Variants in QPCTL observed in about 807,000 individuals in gnomAD.
QPCTL encodes glutaminyl-peptide cyclotransferase like.
A neutral mutation model predicts 34.6 loss-of-function variants in QPCTL; 31 were observed. The observed-to-expected ratio is 0.90, with a 90% confidence interval of 0.67 to 1.21. The LOEUF (loss-of-function observed/expected upper bound fraction) is 1.21, where lower values mean the gene tolerates loss of function less well. QPCTL is among the 50% of genes most tolerant of loss of function. The probability of loss-of-function intolerance (pLI) is 0.00; values close to 1 mark genes in which losing one functional copy is unlikely to be tolerated. For missense variants in QPCTL, 474 were observed against 507.8 expected (o/e 0.93, Z 0.64); for synonymous variants, 223 against 226.9 (o/e 0.98, Z 0.15).
At chr19:45,698,434 T>A in intron 3 of QPCTL, 113 bp from the exon 4 acceptor site, 1 of 1,287,034 alleles carries the variant, frequency 7.8e-7, no homozygotes, top group South Asian at 1.4e-5. Context: ...GTTCTATGAG[T>A]GAGGACACCT....
At chr19:45,694,691 A>C (rs893752066) in intron 2 of QPCTL, among the ~76,000 whole-genome samples, 3 of 151,670 alleles carry the variant, frequency 2.0e-5, no homozygotes, top group Non-Finnish European at 2.9e-5. Context: ...GGCTGGTCTC[A>C]AACTCCTGAC....
At chr19:45,700,873 T>G (rs1360983487) in intron 5 of QPCTL, among the ~76,000 whole-genome samples, 2 of 150,030 alleles carry the variant, frequency 1.3e-5, no homozygotes, top group East Asian at 3.9e-4. Context: ...GCAGGAGAAT[T>G]GCTTGAACCC....
In QPCTL at chr19:45,698,681, C is replaced by T; in HGVS notation, c.768C>T (p.Pro256=). ...LMESIPHSPG[P]TRIQAIELFM... ...AGTCTATACCTCACAGCCCCGGCCC[C>T]ACCAGGATCCAGGCTATTGTAAGAC... Residue 256 remains proline, a synonymous_variant, in exon 4 of 7, where the codon CCC becomes CCT. Transcript: ENST00000012049. 6.2e-7 allele frequency: 1 copy of T among 1,614,136 alleles called. No individual in the cohort carries two copies. Among genetic ancestry groups the T allele is most frequent in the Non-Finnish European group, 8.5e-7 (1 of 1,180,000 alleles).
intron 3 of QPCTL, among the ~76,000 whole-genome samples, chr19:45,698,063 T>C (rs1967733699): frequency 6.6e-6 from 1 of 151,876 alleles, no homozygotes; most frequent in African/African-American, 2.4e-5. Flanking sequence ...GCCAACATGG[T>C]GAAAGCTTGT....
chr19:45,702,235 G>T (rs1288495748), intron 6 of QPCTL, among the ~76,000 whole-genome samples: 2 of 151,600 alleles, frequency 1.3e-5, no homozygotes, highest in Non-Finnish European at 2.9e-5. Context: ...GTGGCGGGGG[G>T]GGATCCTTGA....
chr19:45,698,614 A>G lies in QPCTL; in HGVS notation c.701A>G (p.Lys234Arg). ...GEEALKEWGPKDSLYGSRHLA... is the reference protein window; with the variant it reads ...GEEALKEWGPRDSLYGSRHLA... ...GAGGCGCTGAAGGAGTGGGGACCCA[A>G]GGACTCCCTTTACGGTTCCCGGCAC... Residue 234 changes from lysine (K) to arginine (R), a missense_variant, in exon 4 of 7, where the codon AAG becomes AGG. Physicochemically the swap from Lys to Arg is conservative, Grantham distance 26. Coordinates refer to ENST00000012049, the MANE Select transcript of QPCTL (RefSeq NM_017659.4). The G allele has an allele frequency of 2.5e-6, 4 of 1,614,038 alleles. No homozygotes were observed. In the South Asian group the frequency reaches 3.3e-5, roughly 13 times the overall value.
Position 45,698,540 on chromosome 19 carries a change from C to T in QPCTL, c.634-7C>T. The T allele has an allele frequency of 1.2e-6, 2 of 1,613,718 alleles. No homozygotes were observed. The highest frequency in any genetic ancestry group is 1.7e-6 in the Non-Finnish European group (2 of 1,179,918). ...TGGCTCTGGCCACCCCCCTGCTGCT[C>T]CCACAGGCAGCCCCGGTGACCCTGC... On this transcript the variant is annotated splice_polypyrimidine_tract_variant and splice_region_variant and intron_variant, in intron 3 of 6. Coordinates refer to ENST00000012049, the MANE Select transcript of QPCTL (RefSeq NM_017659.4).
At chr19:45,697,448 A>AAAAAG (rs1448735298) in intron 3 of QPCTL, among the ~76,000 whole-genome samples, 2 of 152,070 alleles carry the variant, frequency 1.3e-5, no homozygotes, top group East Asian at 3.9e-4. Context: ...AAGAAAGAAA[A>AAAAAG]AAAAGAAAAG....
At chr19:45,695,765 C>T (rs5019216) in intron 3 of QPCTL, 47 bp downstream of exon 3, 4 of 1,509,060 alleles carry the variant, frequency 2.7e-6, no homozygotes, top group African/African-American at 2.8e-5. Flanking sequence ...TCCACCTTTT[C>T]CCAAGCCCCC....
intron 5 of QPCTL, among the ~76,000 whole-genome samples, chr19:45,699,825 G>A (rs7256920): frequency 0.45 from 67,459 of 151,304 alleles, 15,581 homozygotes; most frequent in Admixed American, 0.54. Flanking sequence ...CTAGCTATTC[G>A]GGAGGCTGAA....
intron 5 of QPCTL, among the ~76,000 whole-genome samples, chr19:45,699,760 A>G (rs1325358957): frequency 4.0e-5 from 6 of 151,870 alleles, no homozygotes; most frequent in Non-Finnish European, 7.4e-5. Context: ...GCGAAACCCC[A>G]TCTCTACTAA....
chr19:45,696,653 G>A (rs1253745118), intron 3 of QPCTL, among the ~76,000 whole-genome samples: 1 of 151,606 alleles, frequency 6.6e-6, no homozygotes, highest in Non-Finnish European at 1.5e-5. Context: ...AGGGGAGGAT[G>A]GCTTGAGTCT....
chr19:45,700,176 A>G (rs977069887), intron 5 of QPCTL, among the ~76,000 whole-genome samples: 1 of 151,972 alleles, frequency 6.6e-6, no homozygotes, highest in Non-Finnish European at 1.5e-5. Flanking sequence ...GCTGGGCGCA[A>G]TGGTTCACGC....
chr19:45,701,753 A>T (rs776213917), intron 5 of QPCTL, 45 bp from the exon 6 acceptor site: 3 of 1,453,918 alleles, frequency 2.1e-6, no homozygotes, highest in Non-Finnish European at 2.8e-6. Flanking sequence ...GGGACCTTCG[A>T]CTACTAAGGA....
intron 5 of QPCTL, among the ~76,000 whole-genome samples, chr19:45,701,330 C>CAGTG (rs1967808022): frequency 6.6e-6 from 1 of 150,872 alleles, no homozygotes. Flanking sequence ...GGCTGGAGTG[C>CAGTG]AGTGGTGCAA....
At chr19:45,701,114 G>GCACACACA (rs35311735) in intron 5 of QPCTL, among the ~76,000 whole-genome samples, 72 of 149,718 alleles carry the variant, frequency 4.8e-4, no homozygotes, top group African/African-American at 1.5e-3. Flanking sequence ...ACACACACGC[G>GCACACACA]CACACACACA....
intron 2 of QPCTL, 122 bp downstream of exon 2, chr19:45,693,678 G>A: frequency 1.5e-6 from 2 of 1,335,662 alleles, no homozygotes; most frequent in Non-Finnish European, 2.0e-6. Flanking sequence ...GAGTTAATCG[G>A]ACTCTAGACT....
At chr19:45,694,209 A>G (rs888887205) in intron 2 of QPCTL, among the ~76,000 whole-genome samples, 4 of 151,926 alleles carry the variant, frequency 2.6e-5, no homozygotes, top group African/African-American at 9.7e-5. Flanking sequence ...GTGAAACCTC[A>G]TCTCTACTAA....
At position 45,693,019 on chromosome 19, in the gene QPCTL, C is replaced by T. The variant is rs141397409; in HGVS notation, c.207+109C>T. 2.6e-6 allele frequency: 3 copies of T among 1,145,968 alleles called. No individual in the cohort carries two copies. In the South Asian group the frequency reaches 4.6e-5, roughly 17 times the overall value. 71.0% of individuals were successfully genotyped at this position (1,145,968 alleles called of 1,614,324 possible). On this transcript the variant is annotated intron_variant, in intron 1 of 6. Transcript: ENST00000012049. ...CGGCCCTAACCGCAGATGCCACCGT[C>T]TTCGTCATCTGAGCGCATGACCCTT...
Sources: allele counts gnomAD v4.1 joint callset (sites outside exome capture counted in the v4.1 genomes callset), GRCh38; gene constraint gnomAD v4.1.1; transcripts MANE v1.5; gene names NCBI Gene and HGNC (gene_info 2026-07-23, HGNC 2026-07-21).